Variants in PDPN observed in about 807,000 individuals in gnomAD.
PDPN encodes the protein PA2.26 antigen.
PDPN carries 12 observed loss-of-function variants against 23.2 expected under a neutral mutation model. That is an observed-to-expected ratio of 0.52 (90% CI 0.33 to 0.84). PDPN has a LOEUF of 0.84. PDPN is among the 40% of genes least tolerant of loss of function. The pLI is 0.02. For missense variants in PDPN, 199 were observed against 212.2 expected (o/e 0.94, Z 0.39); for synonymous variants, 77 against 76.7 (o/e 1.00, Z -0.02).
chr1:13,588,747 C>A (rs1347498292), intron 1 of PDPN, among the ~76,000 whole-genome samples: 3 of 150,620 alleles, frequency 2.0e-5, no homozygotes, highest in Non-Finnish European at 4.4e-5. Context: ...AGCACTATCT[C>A]GTCTCACTGT....
chr1:13,587,940 C>T (rs981501905), intron 1 of PDPN, among the ~76,000 whole-genome samples: 1 of 152,148 alleles, frequency 6.6e-6, no homozygotes, highest in Admixed American at 6.5e-5. Context: ...TAGGAGGGCT[C>T]ACCCTCCTTT....
chr1:13,613,397 T>G (rs1640984056), intron 3 of PDPN, among the ~76,000 whole-genome samples: 1 of 152,206 alleles, frequency 6.6e-6, no homozygotes, highest in African/African-American at 2.4e-5. Flanking sequence ...TTAAGATCTT[T>G]GTGGCTCAGT....
chr1:13,615,230 T>C (rs1214287860), intron 5 of PDPN, among the ~76,000 whole-genome samples: 1 of 151,770 alleles, frequency 6.6e-6, no homozygotes, highest in East Asian at 1.9e-4. Context: ...TTAAGCTTCC[T>C]TAAGAATTCA....
At chr1:13,614,444 A>C in intron 5 of PDPN, 33 bp downstream of exon 5, 1 of 1,048,552 alleles carries the variant, frequency 9.5e-7, no homozygotes, top group Middle Eastern at 2.0e-4. Context: ...TGTGATAGGC[A>C]AATGAAAGCC....
At chr1:13,606,478 C>T (rs777642455) in intron 1 of PDPN, among the ~76,000 whole-genome samples, 1 of 152,108 alleles carries the variant, frequency 6.6e-6, no homozygotes, top group Non-Finnish European at 1.5e-5. Flanking sequence ...GAACAGCAGT[C>T]TTAAAATTAA....
intron 1 of PDPN, among the ~76,000 whole-genome samples, chr1:13,590,539 G>A (rs1472204256): frequency 1.3e-5 from 2 of 152,168 alleles, no homozygotes; most frequent in Non-Finnish European, 2.9e-5. Context: ...GTTGGAGCAG[G>A]TGGCAGGGAC....
chr1:13,583,814 T>C, upstream of PDPN: 1 of 1,546,904 alleles, frequency 6.5e-7, no homozygotes, highest in Non-Finnish European at 8.7e-7. Flanking sequence ...AAATGCTGAC[T>C]CCGCTCGGAA....
intron 5 of PDPN, chr1:13,614,732 A>G: frequency 2.2e-6 from 1 of 452,704 alleles, no homozygotes; most frequent in South Asian, 1.6e-5. Flanking sequence ...GGCTGCAGTG[A>G]GCTATGATTG....
intron 1 of PDPN, among the ~76,000 whole-genome samples, chr1:13,604,356 A>G (rs753026851): frequency 2.4e-4 from 37 of 152,184 alleles, no homozygotes; most frequent in Non-Finnish European, 4.6e-4. Flanking sequence ...AAGAGGGACA[A>G]TTGGGGATCT....
chr1:13,604,171 C>T (rs774704998), intron 1 of PDPN, among the ~76,000 whole-genome samples: 9 of 152,074 alleles, frequency 5.9e-5, no homozygotes, highest in Non-Finnish European at 8.8e-5. Context: ...TGCGTGTGTG[C>T]GTGCATATGT....
In PDPN at chr1:13,614,327, G is replaced by T. The variant is rs748972698; in HGVS notation, c.398G>T (p.Gly133Val). 1.9e-6 allele frequency: 3 copies of T among 1,604,806 alleles called. No individual in the cohort carries two copies. The highest frequency in any genetic ancestry group is 1.1e-5 in the South Asian group (1 of 90,906). The change falls in exon 5 of 6, where the codon GGA becomes GTA. Residue 133 changes from glycine to valine, a missense_variant. Coordinates refer to ENST00000621990, the MANE Select transcript of PDPN (RefSeq NM_006474.5). ...KDGLSTVTLV[G>V]IIVGVLLAIG... ...GGTTTGTCAACAGTGACCCTGGTTG[G>T]AATCATAGTTGGGGTCTTACTAGCC... is the stretch of plus-strand genomic sequence containing the variant.
rs1640323701 is a variant in PDPN, at chr1:13,590,860, G to A, written c.67+6760G>A. Among the ~76,000 whole-genome samples, 3 of 150,738 alleles carry A rather than the reference G, an allele frequency of 2.0e-5. 1 individual carries two copies. In the South Asian group the frequency reaches 6.3e-4, roughly 32 times the overall value. On this transcript the variant is annotated intron_variant, in intron 1 of 5. Transcript: ENST00000621990. ...GTTTGTGGGACCAGTCTAGGGGCAG[G>A]TGCGGTGGAGGGGCGGGTGGGGGTG...
chr1:13,610,265 C>A (rs538969017), intron 2 of PDPN, 122 bp from the exon 3 acceptor site: 3 of 716,316 alleles, frequency 4.2e-6, no homozygotes, highest in East Asian at 2.8e-5. Context: ...CTTCTACTTG[C>A]AATTCATGCC....
intron 1 of PDPN, among the ~76,000 whole-genome samples, chr1:13,606,664 T>C (rs917441384): frequency 2.6e-5 from 4 of 151,890 alleles, no homozygotes; most frequent in African/African-American, 9.7e-5. Flanking sequence ...GGAGAGCCTG[T>C]CTCTTAAGAA....
At chr1:13,583,783 C>G, upstream of PDPN, 2 of 1,514,588 alleles carry the variant, frequency 1.3e-6, no homozygotes, top group Middle Eastern at 1.8e-4. Context: ...GACCCCGCTC[C>G]CCCGCCTCCT....
chr1:13,610,098 CT>C (rs1640894946), intron 2 of PDPN, among the ~76,000 whole-genome samples: 1 of 152,078 alleles, frequency 6.6e-6, no homozygotes, highest in Admixed American at 6.6e-5. Context: ...AAAAATAAAG[CT>C]GAATAACGTT....
chr1:13,592,613 G>C (rs547263764), intron 1 of PDPN, among the ~76,000 whole-genome samples: 1 of 144,148 alleles, frequency 6.9e-6, no homozygotes, highest in Admixed American at 7.3e-5. Flanking sequence ...GCAATGGCAC[G>C]ATCTTGGCTC....
chr1:13,612,470 G>A (rs1006736136), intron 3 of PDPN, among the ~76,000 whole-genome samples: 3 of 152,148 alleles, frequency 2.0e-5, no homozygotes, highest in East Asian at 1.9e-4. Context: ...GTGGTAGGAC[G>A]TGATAAGCAA....
intron 1 of PDPN, among the ~76,000 whole-genome samples, chr1:13,602,643 ATC>A (rs961504349): frequency 6.6e-6 from 1 of 152,048 alleles, no homozygotes; most frequent in African/African-American, 2.4e-5. Context: ...GCTCACTGCA[ATC>A]TCTGCCTCCT....
Sources: gnomAD v4.1 joint callset for allele counts (sites outside exome capture counted in the v4.1 genomes callset) on GRCh38, gnomAD v4.1.1 for gene constraint, MANE v1.5 for transcripts, NCBI Gene and HGNC (gene_info 2026-07-23, HGNC 2026-07-21) for gene names.